The following MCPH1 variants were observed in gnomAD, a reference collection of about 807,000 sequenced individuals.
The protein encoded by MCPH1 is microcephalin.
A neutral mutation model predicts 84.5 loss-of-function variants in MCPH1; 104 were observed. The observed-to-expected ratio is 1.23, with a 90% CI of 1.05 to 1.45. MCPH1 has a LOEUF of 1.45. Among genes scored for constraint, MCPH1 ranks in the 40% most tolerant of loss-of-function variants. The pLI, the probability that MCPH1 is intolerant of heterozygous loss-of-function variation, is 0.00. For synonymous variants in MCPH1, 514 were observed against 366.8 expected, an observed-to-expected ratio of 1.40 and a Z score of -4.58; for missense variants, 1,498 against 1,005.7, an observed-to-expected ratio of 1.49 and a Z score of -6.62.
rs1814281454 is a variant in MCPH1 at position 6,508,632 on chromosome 8, A to T, written c.2214+8703A>T. Reference sequence around the variant, plus strand: ...AATGTAATTAAACCATCTCTCTAGTATCCAGCAAGCACAAACGCAGGAGAG... The same window carrying T: ...AATGTAATTAAACCATCTCTCTAGTTTCCAGCAAGCACAAACGCAGGAGAG... On this transcript the variant is annotated intron_variant, in intron 12 of 13. Coordinates refer to ENST00000344683, the MANE Select transcript of MCPH1 (RefSeq NM_024596.5). 5.3e-6 allele frequency: 3 copies of T among 568,222 alleles called. No homozygotes were observed. In the South Asian group the frequency reaches 7.5e-5, roughly 14 times the overall value. The allele number at this position is 568,222 out of a possible 1,614,324, so 35.2% of individuals were successfully genotyped here.
chr8:6,559,219 C>G (rs1014021239), intron 12 of MCPH1, among the ~76,000 whole-genome samples: 1 of 95,758 alleles, frequency 1.0e-5, no homozygotes, highest in African/African-American at 3.9e-5. Flanking sequence ...TGTTTTGTAG[C>G]CACACACGAC....
chr8:6,505,395 ATAG>A (rs1813298637), intron 12 of MCPH1, among the ~76,000 whole-genome samples: 2 of 79,212 alleles, frequency 2.5e-5, no homozygotes, highest in African/African-American at 9.3e-5. Flanking sequence ...CTATATGTAT[ATAG>A]AATATATATA....
chr8:6,620,435 C>T (rs532065150), intron 12 of MCPH1, among the ~76,000 whole-genome samples: 1 of 152,212 alleles, frequency 6.6e-6, no homozygotes, highest in South Asian at 2.1e-4. Context: ...CTCTTTGCTG[C>T]TCTTCCCCCA....
chr8:6,420,692 G>C (rs888996077), intron 3 of MCPH1, among the ~76,000 whole-genome samples: 2 of 152,080 alleles, frequency 1.3e-5, no homozygotes, highest in Non-Finnish European at 2.9e-5. Context: ...CAAGTATCAT[G>C]TCTTGCTTCA....
At position 6,468,854 on chromosome 8, in the gene MCPH1, A is replaced by T. The variant is rs570507515; in HGVS notation, c.1936-8740A>T. Among the ~76,000 whole-genome samples, 3 of 152,228 alleles carry T rather than the reference A, an allele frequency of 2.0e-5. 1 individual carries two copies. Among genetic ancestry groups the T allele is most frequent in the African/African-American group, 7.2e-5 (3 of 41,538 alleles). ...AAAAACAGTCCACATAAGGGAAAAA[A>T]TATATAAGGAAGGACAATGAAGTTT... On this transcript the variant is annotated intron_variant, in intron 9 of 13. Coordinates refer to ENST00000344683, the MANE Select transcript of MCPH1 (RefSeq NM_024596.5).
intron 2 of MCPH1, 68 bp from the exon 3 acceptor site, chr8:6,414,697 T>G: frequency 6.4e-7 from 1 of 1,560,578 alleles, no homozygotes; most frequent in Non-Finnish European, 8.7e-7. Flanking sequence ...TAGAGGTTTT[T>G]TGATCAGTTG....
At chr8:6,609,411 T>C (rs1005368335) in intron 12 of MCPH1, among the ~76,000 whole-genome samples, 21 of 152,202 alleles carry the variant, frequency 1.4e-4, no homozygotes, top group Non-Finnish European at 2.5e-4. Context: ...AAAAAGTTAT[T>C]TGTGGATTCC....
chr8:6,603,289 C>T (rs989726000), intron 12 of MCPH1, among the ~76,000 whole-genome samples: 5 of 152,088 alleles, frequency 3.3e-5, no homozygotes, highest in African/African-American at 1.2e-4. Flanking sequence ...AGTTTTCTCA[C>T]TGGTGATTGT....
rs145603745 is a variant in MCPH1, at chr8:6,528,611, T to A, written c.2214+28682T>A. 1.6e-3 allele frequency among the ~76,000 whole-genome samples: 237 copies of A among 152,376 alleles called. 1 individual carries two copies. Among genetic ancestry groups the A allele is most frequent in the African/African-American group, 5.5e-3 (227 of 41,588 alleles). ...TGCCGTGCGGGCCTTTGTGAGCTAC[T>A]GCGTGGCATGAGCAGTGCGGCTCTC... On this transcript the variant is annotated intron_variant, in intron 12 of 13. Coordinates refer to ENST00000344683, the MANE Select transcript of MCPH1 (RefSeq NM_024596.5).
intron 12 of MCPH1, among the ~76,000 whole-genome samples, chr8:6,604,139 A>C (rs1486121998): frequency 1.3e-5 from 2 of 152,014 alleles, no homozygotes; most frequent in Non-Finnish European, 2.9e-5. Flanking sequence ...TCCCTGTCTC[A>C]TCTAGCTCAG....
intron 3 of MCPH1, among the ~76,000 whole-genome samples, chr8:6,420,954 G>A (rs1435650033): frequency 6.6e-6 from 1 of 152,174 alleles, no homozygotes; most frequent in African/African-American, 2.4e-5. Context: ...AGAAAGAAAG[G>A]AAAGTACACT....
intron 12 of MCPH1, among the ~76,000 whole-genome samples, chr8:6,573,991 A>G (rs1286598222): frequency 6.6e-6 from 1 of 152,246 alleles, no homozygotes; most frequent in African/African-American, 2.4e-5. Context: ...CACTTTCATC[A>G]TGGGTCTCAA....
chr8:6,500,834 G>A (rs1812031317), intron 12 of MCPH1: 1 of 152,154 alleles, frequency 6.6e-6, no homozygotes, highest in East Asian at 1.9e-4. Flanking sequence ...TATATATGAT[G>A]CACAATGACA....
At chr8:6,580,712 C>T (rs1827501240) in intron 12 of MCPH1, among the ~76,000 whole-genome samples, 1 of 152,082 alleles carries the variant, frequency 6.6e-6, no homozygotes, top group Non-Finnish European at 1.5e-5. Flanking sequence ...AGGACTCGGA[C>T]AAATGTCACA....
At chr8:6,639,302 T>A (rs572238447) in intron 13 of MCPH1, among the ~76,000 whole-genome samples, 1 of 152,300 alleles carries the variant, frequency 6.6e-6, no homozygotes, top group South Asian at 2.1e-4. Flanking sequence ...CTTACAACCC[T>A]TCCTTAACTA....
intron 12 of MCPH1, among the ~76,000 whole-genome samples, chr8:6,536,393 T>C (rs147581674): frequency 3.4e-4 from 33 of 96,100 alleles, no homozygotes; most frequent in African/African-American, 1.3e-3. Flanking sequence ...CTTCATACTT[T>C]TCCAGCCTTT....
At chr8:6,536,891 G>C (rs553636726) in intron 12 of MCPH1, among the ~76,000 whole-genome samples, 1 of 150,790 alleles carries the variant, frequency 6.6e-6, no homozygotes, top group Admixed American at 6.6e-5. Flanking sequence ...ATTTTTACTG[G>C]CTGTGACTGA....
chr8:6,557,971 C>G (rs73507189), intron 12 of MCPH1, among the ~76,000 whole-genome samples: 72 of 152,134 alleles, frequency 4.7e-4, no homozygotes, highest in African/African-American at 1.7e-3. Flanking sequence ...CGTCCTCCCC[C>G]TCTTCCTCAT....
chr8:6,505,273 TA>T (rs1563305434), intron 12 of MCPH1, among the ~76,000 whole-genome samples: 1 of 30,738 alleles, frequency 3.3e-5, no homozygotes, highest in African/African-American at 1.1e-4. Context: ...TATATATATG[TA>T]TACATATATA....
Sources: gnomAD v4.1 joint callset for allele counts (sites outside exome capture counted in the v4.1 genomes callset) on GRCh38, gnomAD v4.1.1 for gene constraint, MANE v1.5 for transcripts, NCBI Gene and HGNC (gene_info 2026-07-23, HGNC 2026-07-21) for gene names.